The following CTNNA3 variants were observed in gnomAD, a reference collection of about 807,000 sequenced individuals.
The protein encoded by CTNNA3 is catenin alpha-3.
CTNNA3 carries 76 observed loss-of-function variants against 95.7 expected under a neutral mutation model. The ratio of observed to expected loss-of-function variants is 0.79; its 90% CI spans 0.66 to 0.96. CTNNA3 has a LOEUF of 0.96. Among genes scored for constraint, CTNNA3 ranks in the 40% least tolerant of loss-of-function variants. CTNNA3 has a pLI of 0.00. For synonymous variants in CTNNA3, 431 were observed against 374.4 expected, an observed-to-expected ratio of 1.15 and a Z score of -1.74; for missense variants, 1,191 against 1,089.8, an observed-to-expected ratio of 1.09 and a Z score of -1.31.
intron 10 of CTNNA3, among the ~76,000 whole-genome samples, chr10:66,574,496 A>T (rs1250130248): frequency 1.3e-5 from 2 of 152,158 alleles, no homozygotes; most frequent in Non-Finnish European, 2.9e-5. Flanking sequence ...AAAACTAGGA[A>T]ATAACGTTCT....
chr10:67,063,454 G>C (rs1289583010), intron 7 of CTNNA3, among the ~76,000 whole-genome samples: 1 of 152,168 alleles, frequency 6.6e-6, no homozygotes, highest in Non-Finnish European at 1.5e-5. Flanking sequence ...AGTACTCCAA[G>C]TTCCAACAGT....
chr10:67,713,521 C>CTA (rs1245895848), intron 1 of CTNNA3, among the ~76,000 whole-genome samples: 2 of 152,168 alleles, frequency 1.3e-5, no homozygotes, highest in Non-Finnish European at 1.5e-5. Context: ...ATAGCAAAGA[C>CTA]TTGGAACCAA....
chr10:67,750,380 A>G, intron 1 of CTNNA3: 2 of 1,495,670 alleles, frequency 1.3e-6, no homozygotes, highest in Non-Finnish European at 1.9e-6. Flanking sequence ...AGAAGTGGTG[A>G]AGGTGGCCAT....
intron 13 of CTNNA3, among the ~76,000 whole-genome samples, chr10:66,165,108 C>CT (rs1206739894): frequency 6.6e-6 from 1 of 152,008 alleles, no homozygotes; most frequent in African/African-American, 2.4e-5. Context: ...ACGTCGTGTA[C>CT]TTTGCAGCAA....
intron 9 of CTNNA3, among the ~76,000 whole-genome samples, chr10:66,714,178 T>A (rs1394828974): frequency 6.6e-6 from 1 of 152,120 alleles, no homozygotes; most frequent in East Asian, 1.9e-4. Flanking sequence ...TACCTCAAAC[T>A]TTTCCTAATG....
At chr10:66,398,863 A>G (rs2092999420) in intron 11 of CTNNA3, among the ~76,000 whole-genome samples, 1 of 151,990 alleles carries the variant, frequency 6.6e-6, no homozygotes, top group Non-Finnish European at 1.5e-5. Flanking sequence ...GCACAAATTC[A>G]GTGTTATTAT....
At chr10:66,774,982 ATT>A (rs1162426987) in intron 8 of CTNNA3, among the ~76,000 whole-genome samples, 1 of 152,224 alleles carries the variant, frequency 6.6e-6, no homozygotes, top group Non-Finnish European at 1.5e-5. Flanking sequence ...GGGTCTCTGA[ATT>A]ACTTACTAGT....
chr10:67,330,573 A>G (rs974599057), intron 5 of CTNNA3, among the ~76,000 whole-genome samples: 4 of 152,296 alleles, frequency 2.6e-5, no homozygotes, highest in African/African-American at 9.6e-5. Flanking sequence ...ATAGCTTCCT[A>G]CACAGGATCA....
chr10:66,266,394 T>C (rs1232317614), intron 13 of CTNNA3, among the ~76,000 whole-genome samples: 1 of 152,026 alleles, frequency 6.6e-6, no homozygotes, highest in Non-Finnish European at 1.5e-5. Flanking sequence ...GTGGTTCTTT[T>C]GAAGCTAAAT....
chr10:67,505,809 T>C (rs1473358615), intron 5 of CTNNA3, among the ~76,000 whole-genome samples: 2 of 152,176 alleles, frequency 1.3e-5, no homozygotes, highest in African/African-American at 2.4e-5. Context: ...GGTTTTATAA[T>C]GGAGTAGATG....
At chr10:66,359,463 T>G (rs2092636732) in intron 12 of CTNNA3, among the ~76,000 whole-genome samples, 1 of 152,194 alleles carries the variant, frequency 6.6e-6, no homozygotes, top group East Asian at 1.9e-4. Context: ...ATATCAGGAA[T>G]TAATATTCTC....
rs1841078132 is a variant in CTNNA3, at chr10:67,706,252, T to G, written c.-2+57182A>C. Among the ~76,000 whole-genome samples the G allele has an allele frequency of 2.6e-5, 4 of 152,064 alleles. No individual in the cohort carries two copies. The South Asian group carries it at 8.3e-4, about 32-fold the overall frequency. ...GTCATCTCTCAAAACAGTTTCCTGGTGGGAGAGAGTTGGGCTCTGGAGCTT... is the reference window on the plus strand; with the variant it reads ...GTCATCTCTCAAAACAGTTTCCTGGGGGGAGAGAGTTGGGCTCTGGAGCTT... On this transcript the variant is annotated intron_variant, in intron 1 of 17. Transcript: ENST00000684154.
chr10:66,381,364 A>C (rs549279442), intron 11 of CTNNA3, among the ~76,000 whole-genome samples: 21 of 152,330 alleles, frequency 1.4e-4, no homozygotes, highest in Non-Finnish European at 2.5e-4. Flanking sequence ...CATGTTGTTT[A>C]GGATTCACAT....
intron 15 of CTNNA3, among the ~76,000 whole-genome samples, chr10:66,017,565 T>C (rs74807267): frequency 0.05 from 7,626 of 152,214 alleles, 294 homozygotes; most frequent in East Asian, 0.18. Flanking sequence ...GTGCTATAGC[T>C]GTGAAAATTT....
intron 13 of CTNNA3, among the ~76,000 whole-genome samples, chr10:66,270,110 A>G (rs2091244537): frequency 6.6e-6 from 1 of 151,966 alleles, no homozygotes; most frequent in Non-Finnish European, 1.5e-5. Flanking sequence ...ACAAAGTAAC[A>G]TCGCATGTTC....
chr10:66,587,047 A>G (rs1843382642), intron 10 of CTNNA3, among the ~76,000 whole-genome samples: 1 of 152,140 alleles, frequency 6.6e-6, no homozygotes, highest in African/African-American at 2.4e-5. Context: ...CTAGTTTCCC[A>G]GCACCAGGTG....
At position 67,283,131 on chromosome 10, in the gene CTNNA3, T is replaced by C. The variant is rs554979731; in HGVS notation, c.580-63261A>G. On this transcript the variant is annotated intron_variant, in intron 5 of 17. Coordinates refer to ENST00000433211, the MANE Select transcript of CTNNA3 (RefSeq NM_013266.4). ...GTTTCCCCACTCAGTTTTTTAACACTAGATCATATTGTTATAGAAGGTAGT... is the reference window on the plus strand; with the variant it reads ...GTTTCCCCACTCAGTTTTTTAACACCAGATCATATTGTTATAGAAGGTAGT... Among the ~76,000 whole-genome samples, 203 of 152,296 alleles carry C rather than the reference T, an allele frequency of 1.3e-3. 1 individual carries two copies. The highest frequency in any genetic ancestry group is 4.5e-3 in the African/African-American group (185 of 41,560).
intron 13 of CTNNA3, among the ~76,000 whole-genome samples, chr10:66,276,842 A>G (rs2091408751): frequency 6.6e-6 from 1 of 152,040 alleles, no homozygotes; most frequent in African/African-American, 2.4e-5. Flanking sequence ...TAAGCATTTC[A>G]TTTCTATTAA....
chr10:66,273,471 T>C (rs561585224), intron 13 of CTNNA3, among the ~76,000 whole-genome samples: 1 of 152,126 alleles, frequency 6.6e-6, no homozygotes, highest in Admixed American at 6.5e-5. Flanking sequence ...ACCATGAAAA[T>C]CAAAACCATG....
Sources: allele counts gnomAD v4.1 joint callset (sites outside exome capture counted in the v4.1 genomes callset), GRCh38; gene constraint gnomAD v4.1.1; transcripts MANE v1.5; gene names NCBI Gene and HGNC (gene_info 2026-07-23, HGNC 2026-07-21).